NOTCH1: variants seen among roughly 807,000 people sequenced by gnomAD.
NOTCH1 encodes the protein notch receptor 1, also known as neurogenic locus notch homolog protein 1.
NOTCH1 carries 37 observed loss-of-function variants against 254.8 expected under a neutral mutation model. That is an observed-to-expected ratio of 0.15 (90% CI 0.11 to 0.19). The LOEUF is 0.19. Ranked by LOEUF, NOTCH1 falls within the 10% of genes least tolerant of loss-of-function variation. The probability of loss-of-function intolerance (pLI) is 1.00; values close to 1 mark genes in which losing one functional copy is unlikely to be tolerated. For missense variants in NOTCH1, 2,972 were observed against 3,708.6 expected, an observed-to-expected ratio of 0.80 and a Z score of 5.16; for synonymous variants, 1,731 against 1,618.1, an observed-to-expected ratio of 1.07 and a Z score of -1.68.
At chr9:136,534,576 G>A (rs1275770408) in intron 2 of NOTCH1, among the ~76,000 whole-genome samples, 1 of 152,152 alleles carries the variant, frequency 6.6e-6, no homozygotes, top group Non-Finnish European at 1.5e-5. Flanking sequence ...AGACTGAACA[G>A]CCCCGTGCAA....
chr9:136,505,173 A>C (rs2133338162), intron 25 of NOTCH1, 69 bp from the exon 26 acceptor site: 1 of 1,554,558 alleles, frequency 6.4e-7, no homozygotes, highest in Non-Finnish European at 8.7e-7. Context: ...CGGTGCCTCC[A>C]GCCCACTGGC....
chr9:136,529,998 C>T (rs1384947280), intron 2 of NOTCH1, among the ~76,000 whole-genome samples: 4 of 100,548 alleles, frequency 4.0e-5, no homozygotes, highest in Non-Finnish European at 4.5e-5. Flanking sequence ...GCACGGGGGC[C>T]CTGCCCTGGC....
rs2133314908 is a variant in NOTCH1 at position 136,496,316 on chromosome 9, G to A, written c.7423C>T (p.Pro2475Ser). ...GTCAGGAACTGGGCTGCGGTCACGG[G>A]TGGGACCAGCGAGGATGGCAGCGAC... Reference protein sequence around the residue: ...PTSLPSSLVPPVTAAQFLTPP... With the variant: ...PTSLPSSLVPSVTAAQFLTPP... Residue 2475 changes from proline (P) to serine (S), a missense_variant, in exon 34 of 34, where the codon CCC becomes TCC. Coordinates refer to ENST00000651671, the MANE Select transcript of NOTCH1 (RefSeq NM_017617.5). 1 of 1,595,782 alleles carries A rather than the reference G, an allele frequency of 6.3e-7. No homozygotes were observed. Among genetic ancestry groups the A allele is most frequent in the Admixed American group, 1.7e-5 (1 of 57,282 alleles).
At chr9:136,535,026 G>A (rs192059869) in intron 2 of NOTCH1, among the ~76,000 whole-genome samples, 69 of 52,630 alleles carry the variant, frequency 1.3e-3, no homozygotes, top group Admixed American at 2.7e-3. Flanking sequence ...CAGAGCCCCC[G>A]AGTCCGTCCC....
intron 21 of NOTCH1, 71 bp downstream of exon 21, chr9:136,507,884 C>T: frequency 6.6e-7 from 1 of 1,526,114 alleles, no homozygotes; most frequent in Non-Finnish European, 9.0e-7. Context: ...ACTGGGCCAG[C>T]TCCCAGCCAG....
At position 136,511,238 on chromosome 9, in the gene NOTCH1, G is replaced by C. The variant is rs202144877; in HGVS notation, c.2501C>G (p.Ala834Gly). The C allele has an allele frequency of 1.2e-5, 20 of 1,612,536 alleles. No homozygotes were observed. Among genetic ancestry groups the C allele is most frequent in the Non-Finnish European group, 1.7e-5 (20 of 1,179,938 alleles). ...ATCEVVLAPC[A>G]PSPCRNGGEC... Reference sequence around the variant, plus strand: ...CCCGCCGTTTCTGCAGGGGCTGGGGGCACACGGGGCCAGCACCACCTCACA... The same window carrying C: ...CCCGCCGTTTCTGCAGGGGCTGGGGCCACACGGGGCCAGCACCACCTCACA... Residue 834 changes from alanine (A) to glycine (G), a missense_variant, in exon 16 of 34, where the codon GCC becomes GGC. Coordinates refer to ENST00000651671, the MANE Select transcript of NOTCH1 (RefSeq NM_017617.5).
intron 2 of NOTCH1, among the ~76,000 whole-genome samples, chr9:136,537,101 C>T (rs57439180): frequency 0.013 from 2,038 of 152,300 alleles, 41 homozygotes; most frequent in African/African-American, 0.046. Context: ...TGCCAGGACT[C>T]CCTCTAGGGG....
chr9:136,497,651 C>T, intron 33 of NOTCH1, 93 bp from the exon 34 acceptor site: 2 of 1,138,598 alleles, frequency 1.8e-6, no homozygotes, highest in Non-Finnish European at 2.4e-6. Flanking sequence ...AGCAGTACAA[C>T]CTCCTCCGCG....
chr9:136,529,808 G>A lies in NOTCH1; in HGVS notation c.141-5829C>T, dbSNP rs1172421359. On this transcript the variant is annotated intron_variant, in intron 2 of 33. Transcript: ENST00000651671. ...GACAGGAGAGAGGGATGCAGGCACC[G>A]AGGGGGCCAAGGGGCCCACGACAGC... 2.6e-5 allele frequency among the ~76,000 whole-genome samples: 4 copies of A among 152,240 alleles called. No individual in the cohort carries two copies. In the East Asian group the frequency reaches 5.8e-4, roughly 22 times the overall value.
At position 136,515,350 on chromosome 9, in the gene NOTCH1, A is replaced by G. The variant is rs764504524; in HGVS notation, c.1954T>C (p.Ser652Pro). The G allele has an allele frequency of 6.2e-7, 1 of 1,613,032 alleles. No homozygotes were observed. Residue 652 changes from serine (S) to proline (P), a missense_variant, in exon 12 of 34, where the codon TCG becomes CCG. By Grantham distance (74) the Ser-to-Pro change is moderately conservative. Transcript: ENST00000651671. Reference protein sequence around the residue: ...LDDCASSPCDSGTCLDKIDGY... With the variant: ...LDDCASSPCDPGTCLDKIDGY... ...TCGATCTTGTCCAGACAGGTGCCCG[A>G]GTCGCAGGGGCTGCTGGCACAGTCA...
rs368996332 is a variant in NOTCH1 at position 136,515,326 on chromosome 9, C to G, written c.1978G>C (p.Asp660His). The G allele has an allele frequency of 6.2e-7, 1 of 1,612,910 alleles. No individual in the cohort carries two copies. The highest frequency in any genetic ancestry group is 8.5e-7 in the Non-Finnish European group (1 of 1,180,018). ...GGCTCACAGGCACACTCGTAGCCATCGATCTTGTCCAGACAGGTGCCCGAG... is the reference window on the plus strand; with the variant it reads ...GGCTCACAGGCACACTCGTAGCCATGGATCTTGTCCAGACAGGTGCCCGAG... ...CDSGTCLDKI[D>H]GYECACEPGY... is the part of the protein sequence containing the mutation. Residue 660 changes from aspartate (D) to histidine (H), a missense_variant, in exon 12 of 34, where the codon GAT becomes CAT. Physicochemically the swap from Asp to His is moderately conservative, Grantham distance 81 (BLOSUM62 -1). Transcript: ENST00000651671.
At chr9:136,532,577 C>T (rs1286826232) in intron 2 of NOTCH1, among the ~76,000 whole-genome samples, 3 of 152,282 alleles carry the variant, frequency 2.0e-5, no homozygotes, top group South Asian at 4.2e-4. Flanking sequence ...GCGTGCCGCC[C>T]GAGACCCAGC....
rs200664704 is a variant in NOTCH1 at position 136,505,717 on chromosome 9, G to A, written c.4179C>T (p.Gly1393=). The change falls in exon 25 of 34, where the codon GGC becomes GGT. Residue 1393 remains glycine (G), a synonymous_variant. Coordinates refer to ENST00000651671, the MANE Select transcript of NOTCH1 (RefSeq NM_017617.5). ...CQFPASSPCL[G]GNPCYNQGTC... ...TCCCCTGGTTGTAGCAGGGGTTGCC[G>A]CCCAGGCAGGGGCTGCTGGCCGGGA... The A allele has an allele frequency of 3.4e-5, 54 of 1,599,140 alleles. No homozygotes were observed. In the African/African-American group the frequency reaches 5.8e-4, roughly 17 times the overall value.
rs777934565 is a variant in NOTCH1, at chr9:136,496,373, T to C, written c.7366A>G (p.Ile2456Val). 7.5e-6 allele frequency: 12 copies of C among 1,595,640 alleles called. No homozygotes were observed. The East Asian group carries it at 1.8e-4, about 24-fold the overall frequency. Residue 2456 changes from isoleucine to valine, a missense_variant, in exon 34 of 34, where the codon ATT (isoleucine) becomes GTT (valine). Ile to Val is a conservative substitution (Grantham distance 29). Coordinates refer to ENST00000651671, the MANE Select transcript of NOTCH1 (RefSeq NM_017617.5). ...AGGGCGGGGCTCTCCTGGGGCAGAA[T>C]AGTGTGCACCGCCAGGCTGCTGGGG... ...LGPSSLAVHTILPQESPALPT... is the reference protein window; with the variant it reads ...LGPSSLAVHTVLPQESPALPT...
chr9:136,535,460 TAGGCG>T (rs1843631587), intron 2 of NOTCH1, among the ~76,000 whole-genome samples: 9 of 132,144 alleles, frequency 6.8e-5, no homozygotes, highest in Non-Finnish European at 9.6e-5. Context: ...GGGTGCAGGG[TAGGCG>T]GGGAGCACTC....
intron 4 of NOTCH1, 53 bp from the exon 5 acceptor site, chr9:136,519,618 T>C: frequency 6.2e-7 from 1 of 1,611,402 alleles, no homozygotes; most frequent in Non-Finnish European, 8.5e-7. Context: ...GTCCGGCTCC[T>C]GCCTGGACCC....
Position 136,515,142 on chromosome 9 carries a change from T to A in NOTCH1, c.2014+148A>T, listed in dbSNP as rs1843243421. The A allele has an allele frequency of 9.5e-6, 7 of 738,572 alleles. No individual in the cohort carries two copies. In the South Asian group the frequency reaches 1.0e-4, roughly 11 times the overall value. The allele number at this position is 738,572 out of a possible 1,614,324, so 45.8% of individuals were successfully genotyped here. On this transcript the variant is annotated intron_variant, in intron 12 of 33. Coordinates refer to ENST00000651671, the MANE Select transcript of NOTCH1 (RefSeq NM_017617.5). ...ATCGTGCTGCCAGTTATAGCCCTGG[T>A]CCCGCTGCAATCTCTGCTGCAGACC...
At position 136,496,057 on chromosome 9, in the gene NOTCH1, G is replaced by T. The variant is rs753404845; in HGVS notation, c.*14C>A. 5.0e-6 allele frequency: 8 copies of T among 1,592,542 alleles called. No individual in the cohort carries two copies. The highest frequency in any genetic ancestry group is 5.1e-6 in the Non-Finnish European group (6 of 1,176,476). On this transcript the variant is annotated 3_prime_UTR_variant, in exon 34 of 34. Transcript: ENST00000651671. ...GCTTGGGAAAGGAAGCCGGGGTCTC[G>T]TGGGGCGCGCCGTTTACTTGAAGGC...
rs2133349102 is a variant in NOTCH1 at position 136,509,081 on chromosome 9, G to A, written c.2970-10C>T. 6.4e-7 allele frequency: 1 copy of A among 1,553,434 alleles called. No individual in the cohort carries two copies. Among genetic ancestry groups the A allele is most frequent in the Non-Finnish European group, 8.7e-7 (1 of 1,149,326 alleles). ...ACCGTTGAAGCAGGAGCTGCAAGGG[G>A]GTGGGCAGGCGGGGGCTGAGTGGAG... On this transcript the variant is annotated splice_polypyrimidine_tract_variant and intron_variant, in intron 18 of 33. Transcript: ENST00000651671.
Sources: gnomAD v4.1 joint callset for allele counts (sites outside exome capture counted in the v4.1 genomes callset) on GRCh38, gnomAD v4.1.1 for gene constraint, MANE v1.5 for transcripts, NCBI Gene and HGNC (gene_info 2026-07-23, HGNC 2026-07-21) for gene names.